LRRC7: variants seen among roughly 807,000 people sequenced by gnomAD.
The protein encoded by LRRC7 is leucine rich repeat containing 7.
A neutral mutation model predicts 175.7 loss-of-function variants in LRRC7; 23 were observed. That is an observed-to-expected ratio of 0.13 (90% CI 0.09 to 0.19). The LOEUF is 0.19. Ranked by LOEUF, LRRC7 falls within the 10% of genes least tolerant of loss-of-function variation. LRRC7 has a pLI of 1.00. For missense variants in LRRC7, 1,354 were observed against 1,904.7 expected (o/e 0.71, Z 5.38); for synonymous variants, 685 against 680.9 (o/e 1.01, Z -0.09).
At chr1:69,983,689 G>A (rs1478106986) in intron 9 of LRRC7, among the ~76,000 whole-genome samples, 3 of 152,184 alleles carry the variant, frequency 2.0e-5, no homozygotes, top group African/African-American at 7.2e-5. Context: ...GATCTTTGAA[G>A]TGCCAGCCAA....
At chr1:69,759,167 A>C (rs964972639) in intron 2 of LRRC7, among the ~76,000 whole-genome samples, 1 of 151,994 alleles carries the variant, frequency 6.6e-6, no homozygotes, top group African/African-American at 2.4e-5. Flanking sequence ...CGTTAAAATA[A>C]GTTTTTCAAG....
chr1:70,029,496 G>GA (rs59882156), intron 18 of LRRC7, among the ~76,000 whole-genome samples: 33,979 of 151,468 alleles, frequency 0.22, 3,869 homozygotes, highest in African/African-American at 0.24. Context: ...ATTTCTAAGG[G>GA]AAAAAAAATT....
chr1:69,940,414 C>T (rs954527205), intron 8 of LRRC7, among the ~76,000 whole-genome samples: 1 of 152,030 alleles, frequency 6.6e-6, no homozygotes, highest in African/African-American at 2.4e-5. Flanking sequence ...AATTAATTAG[C>T]TCGGTTTGCG....
At chr1:69,899,971 CA>C (rs1389284986) in intron 7 of LRRC7, among the ~76,000 whole-genome samples, 1 of 152,168 alleles carries the variant, frequency 6.6e-6, no homozygotes, top group Non-Finnish European at 1.5e-5. Flanking sequence ...GCAGCACAAA[CA>C]GACTAAATAG....
chr1:69,943,148 A>G (rs560635079), intron 8 of LRRC7, among the ~76,000 whole-genome samples: 2 of 152,326 alleles, frequency 1.3e-5, no homozygotes, highest in South Asian at 2.1e-4. Context: ...AAACTCATAC[A>G]TGAATATGCA....
intron 4 of LRRC7, among the ~76,000 whole-genome samples, chr1:69,816,908 A>G (rs1043366466): frequency 5.9e-5 from 9 of 152,048 alleles, no homozygotes; most frequent in African/African-American, 2.2e-4. Context: ...TTGTCTTTCT[A>G]TGTCTAGCTT....
At position 69,887,254 on chromosome 1, in the gene LRRC7, C is replaced by A. The variant is rs1645665020; in HGVS notation, c.648-44253C>A. Among the ~76,000 whole-genome samples the A allele has an allele frequency of 2.4e-5, 3 of 126,414 alleles. No homozygotes were observed. In the South Asian group the frequency reaches 9.0e-4, roughly 38 times the overall value. 82.9% of individuals were successfully genotyped at this position (126,414 alleles called of 152,430 possible). On this transcript the variant is annotated intron_variant, in intron 7 of 26. Coordinates refer to ENST00000651989, the MANE Select transcript of LRRC7 (RefSeq NM_001370785.2). ...ATTCTCCCCATCACTTTCAGGTACA[C>A]CAATCAGACGTAGATTTGGTCTTTT... is the stretch of plus-strand genomic sequence containing the variant.
At chr1:69,823,098 G>T (rs1252863148) in intron 4 of LRRC7, among the ~76,000 whole-genome samples, 2 of 152,084 alleles carry the variant, frequency 1.3e-5, no homozygotes, top group Admixed American at 1.3e-4. Context: ...TTGATCCTTT[G>T]TGTGAAACCT....
chr1:70,047,866 T>C (rs1395642485), intron 22 of LRRC7, among the ~76,000 whole-genome samples: 1 of 152,030 alleles, frequency 6.6e-6, no homozygotes, highest in Non-Finnish European at 1.5e-5. Flanking sequence ...TTTAGATGCT[T>C]ATGCTAATTT....
chr1:69,825,456 A>C (rs1170295467), intron 4 of LRRC7, among the ~76,000 whole-genome samples: 3 of 152,100 alleles, frequency 2.0e-5, no homozygotes, highest in Non-Finnish European at 4.4e-5. Context: ...AGGTTACCAA[A>C]GATCAAAGAT....
chr1:70,039,864 CA>C, intron 21 of LRRC7, 71 bp downstream of exon 21: 1 of 1,499,624 alleles, frequency 6.7e-7, no homozygotes, highest in Non-Finnish European at 8.9e-7. Context: ...TTTCTAAGCA[CA>C]TGTAGTGAAG....
chr1:69,758,641 G>A (rs553432108), intron 2 of LRRC7, among the ~76,000 whole-genome samples: 1 of 151,704 alleles, frequency 6.6e-6, no homozygotes, highest in African/African-American at 2.4e-5. Context: ...GTAGTTTTTT[G>A]AATCCTCACC....
intron 3 of LRRC7, among the ~76,000 whole-genome samples, chr1:69,781,763 G>GAGAAAGAA (rs1553155162): frequency 2.5e-5 from 1 of 39,224 alleles, no homozygotes; most frequent in Admixed American, 3.1e-4. Context: ...GAGAGAGAGA[G>GAGAAAGAA]AGAAAGAAAG....
At chr1:70,110,534 A>C (rs971060152) in intron 26 of LRRC7, among the ~76,000 whole-genome samples, 3 of 152,158 alleles carry the variant, frequency 2.0e-5, no homozygotes, top group African/African-American at 7.2e-5. Flanking sequence ...ACAACAGCAA[A>C]GTGCAAGGAA....
At chr1:69,862,536 A>C (rs17131058) in intron 7 of LRRC7, among the ~76,000 whole-genome samples, 3,549 of 152,260 alleles carry the variant, frequency 0.023, 127 homozygotes, top group African/African-American at 0.082. Context: ...TCGAATGTCC[A>C]CTTTAACAGA....
intron 8 of LRRC7, among the ~76,000 whole-genome samples, chr1:69,978,023 A>G (rs1261557792): frequency 1.3e-5 from 2 of 151,972 alleles, no homozygotes; most frequent in East Asian, 3.9e-4. Context: ...AGCATAATGC[A>G]TAGGAAAAAA....
intron 26 of LRRC7, among the ~76,000 whole-genome samples, chr1:70,115,122 G>A (rs1219289510): frequency 1.3e-5 from 2 of 152,188 alleles, no homozygotes; most frequent in Admixed American, 1.3e-4. Flanking sequence ...ATAGTAAACT[G>A]TGTATGTATT....
At chr1:69,626,083 G>T (rs564874771) in intron 1 of LRRC7, among the ~76,000 whole-genome samples, 1 of 151,950 alleles carries the variant, frequency 6.6e-6, no homozygotes, top group Non-Finnish European at 1.5e-5. Context: ...CTTGTATGAG[G>T]CTCCATTATT....
intron 3 of LRRC7, among the ~76,000 whole-genome samples, chr1:69,762,859 A>T (rs899606741): frequency 6.6e-6 from 1 of 152,006 alleles, no homozygotes; most frequent in African/African-American, 2.4e-5. Context: ...AGGAGAATTT[A>T]TTATCCTTTA....
Sources: gnomAD v4.1 joint callset for allele counts (sites outside exome capture counted in the v4.1 genomes callset) on GRCh38, gnomAD v4.1.1 for gene constraint, MANE v1.5 for transcripts, NCBI Gene and HGNC (gene_info 2026-07-23, HGNC 2026-07-21) for gene names.